MAGI2: variants seen among roughly 807,000 people sequenced by gnomAD.
MAGI2 encodes membrane-associated guanylate kinase, WW and PDZ domain-containing protein 2.
A neutral mutation model predicts 133.3 loss-of-function variants in MAGI2; 35 were observed. That is an observed-to-expected ratio of 0.26 (90% CI 0.20 to 0.35). The LOEUF is 0.35. Among genes scored for constraint, MAGI2 ranks in the 10% least tolerant of loss-of-function variants. The probability of loss-of-function intolerance (pLI) is 1.00; values close to 1 mark genes in which losing one functional copy is unlikely to be tolerated. For synonymous variants in MAGI2, 729 were observed against 710.6 expected, an observed-to-expected ratio of 1.03 and a Z score of -0.41; for missense variants, 1,636 against 1,863.4, an observed-to-expected ratio of 0.88 and a Z score of 2.25.
intron 3 of MAGI2, among the ~76,000 whole-genome samples, chr7:78,603,922 G>A (rs1268142433): frequency 3.9e-5 from 6 of 152,350 alleles, no homozygotes; most frequent in African/African-American, 1.4e-4. Flanking sequence ...GACAGGTACT[G>A]TGGTAGGGAC....
intron 1 of MAGI2, among the ~76,000 whole-genome samples, chr7:79,427,221 A>G (rs1847441289): frequency 6.6e-6 from 1 of 152,166 alleles, no homozygotes; most frequent in South Asian, 2.1e-4. Flanking sequence ...AGAAGCTTGA[A>G]TATCTAAACT....
At chr7:78,445,509 T>G (rs561461846) in intron 6 of MAGI2, among the ~76,000 whole-genome samples, 1 of 152,210 alleles carries the variant, frequency 6.6e-6, no homozygotes, top group East Asian at 1.9e-4. Context: ...TGCAAAATAA[T>G]TTGGATGAAT....
chr7:78,739,896 C>G (rs553102718), intron 2 of MAGI2, among the ~76,000 whole-genome samples: 437 of 152,224 alleles, frequency 2.9e-3, no homozygotes, highest in Non-Finnish European at 4.9e-3. Flanking sequence ...CGGTGGCTCA[C>G]GCCTGTAATC....
intron 3 of MAGI2, among the ~76,000 whole-genome samples, chr7:78,605,869 T>A (rs1383607128): frequency 6.6e-6 from 1 of 152,180 alleles, no homozygotes; most frequent in Non-Finnish European, 1.5e-5. Context: ...CGGGAGGTAC[T>A]CGAGCAGAAA....
intron 1 of MAGI2, among the ~76,000 whole-genome samples, chr7:79,054,980 A>G (rs183989638): frequency 6.6e-6 from 1 of 152,122 alleles, no homozygotes; most frequent in East Asian, 1.9e-4. Context: ...TTTAGTAAAG[A>G]CGGGGTTTCA....
At chr7:79,244,159 C>G (rs1832643945) in intron 1 of MAGI2, among the ~76,000 whole-genome samples, 1 of 152,170 alleles carries the variant, frequency 6.6e-6, no homozygotes, top group Admixed American at 6.5e-5. Context: ...TCTATTGAAA[C>G]AAATCTCATT....
At chr7:79,391,508 C>CATATATATATATAT (rs1286692402) in intron 1 of MAGI2, among the ~76,000 whole-genome samples, 6 of 69,208 alleles carry the variant, frequency 8.7e-5, no homozygotes, top group South Asian at 5.2e-4. Flanking sequence ...TATATATAGA[C>CATATATATATATAT]ATATATATAT....
chr7:78,727,809 A>G (rs1486862455), intron 2 of MAGI2, among the ~76,000 whole-genome samples: 3 of 152,218 alleles, frequency 2.0e-5, no homozygotes, highest in African/African-American at 7.2e-5. Context: ...TATTTATTTT[A>G]CACTTACTTA....
chr7:78,201,758 C>T (rs17809684), intron 10 of MAGI2, among the ~76,000 whole-genome samples: 28,642 of 151,962 alleles, frequency 0.19, 3,478 homozygotes, highest in Non-Finnish European at 0.27. Flanking sequence ...CTTTGTGCCC[C>T]GGTGCTAGCA....
intron 1 of MAGI2, among the ~76,000 whole-genome samples, chr7:79,377,550 T>C (rs1318551374): frequency 1.3e-5 from 2 of 151,568 alleles, no homozygotes; most frequent in Non-Finnish European, 2.9e-5. Context: ...GTAAAACAAA[T>C]GAAAGATAAG....
At chr7:79,200,445 TAAA>T (rs34446005) in intron 1 of MAGI2, among the ~76,000 whole-genome samples, 2 of 137,898 alleles carry the variant, frequency 1.5e-5, no homozygotes, top group African/African-American at 5.2e-5. Context: ...TCTACAAAAT[TAAA>T]AAAAAAAAAA....
At chr7:78,076,177 C>T (rs1815265950) in intron 21 of MAGI2, among the ~76,000 whole-genome samples, 1 of 152,142 alleles carries the variant, frequency 6.6e-6, no homozygotes, top group Admixed American at 6.5e-5. Context: ...CGTGCCCAGG[C>T]TGGGTGCGGT....
At chr7:78,210,237 C>T (rs1296955563) in intron 10 of MAGI2, among the ~76,000 whole-genome samples, 1 of 152,154 alleles carries the variant, frequency 6.6e-6, no homozygotes, top group Non-Finnish European at 1.5e-5. Flanking sequence ...CAGTACTTAG[C>T]AAATACCTGA....
chr7:78,876,930 T>C (rs928099321), intron 2 of MAGI2, among the ~76,000 whole-genome samples: 35 of 143,414 alleles, frequency 2.4e-4, no homozygotes, highest in African/African-American at 7.8e-4. Flanking sequence ...ATTTATTTTA[T>C]ACTGTGGGTT....
rs184003277 is a variant in MAGI2, at chr7:79,025,330, C to A, written c.302-18124G>T. 2.7e-4 allele frequency among the ~76,000 whole-genome samples: 41 copies of A among 152,202 alleles called. No homozygotes were observed. The East Asian group carries it at 7.5e-3, about 28-fold the overall frequency. On this transcript the variant is annotated intron_variant, in intron 1 of 21. Coordinates refer to ENST00000354212, the MANE Select transcript of MAGI2 (RefSeq NM_012301.4). Reference sequence around the variant, plus strand: ...TATGTGGACACAAAGAAGGGAACAACACACATTGAGGCCTACTTGAGGGTA... The same window carrying A: ...TATGTGGACACAAAGAAGGGAACAAAACACATTGAGGCCTACTTGAGGGTA...
In MAGI2 at chr7:78,812,978, T is replaced by C. The variant is rs904580393; in HGVS notation, c.419-185739A>G. 3.3e-5 allele frequency among the ~76,000 whole-genome samples: 5 copies of C among 152,196 alleles called. No individual in the cohort carries two copies. The East Asian group carries it at 5.8e-4, about 18-fold the overall frequency. On this transcript the variant is annotated intron_variant, in intron 2 of 21. Transcript: ENST00000354212. ...CCATAAAAATACAGGCTAGAGGTTCTGGTTCTGGATAAGACACAGTAGGCA... is the reference window on the plus strand; with the variant it reads ...CCATAAAAATACAGGCTAGAGGTTCCGGTTCTGGATAAGACACAGTAGGCA...
chr7:79,054,950 C>G (rs1052675724), intron 1 of MAGI2, among the ~76,000 whole-genome samples: 10 of 152,192 alleles, frequency 6.6e-5, no homozygotes, highest in Admixed American at 5.9e-4. Context: ...ACCACCATGA[C>G]CAGCTAATTT....
intron 1 of MAGI2, among the ~76,000 whole-genome samples, chr7:79,376,344 T>C (rs1322188154): frequency 6.6e-6 from 1 of 151,956 alleles, no homozygotes; most frequent in African/African-American, 2.4e-5. Flanking sequence ...GGTTTCTCTC[T>C]CAAAATATCT....
intron 6 of MAGI2, among the ~76,000 whole-genome samples, chr7:78,390,602 A>G (rs6466179): frequency 0.56 from 79,497 of 141,102 alleles, 22,412 homozygotes; most frequent in Middle Eastern, 0.68. Flanking sequence ...AGGGATTAGA[A>G]TGTTGGCAAT....
Sources: allele counts gnomAD v4.1 joint callset (sites outside exome capture counted in the v4.1 genomes callset), GRCh38; gene constraint gnomAD v4.1.1; transcripts MANE v1.5; gene names NCBI Gene and HGNC (gene_info 2026-07-23, HGNC 2026-07-21).